IQCK: variants seen among roughly 807,000 people sequenced by gnomAD.
The protein encoded by IQCK is IQ motif containing K.
Under a neutral mutation model 28.1 loss-of-function variants are expected in IQCK, and 29 were observed. The observed-to-expected ratio is 1.03, with a 90% CI of 0.77 to 1.41. The LOEUF (loss-of-function observed/expected upper bound fraction) is 1.41. Ranked by LOEUF, IQCK falls within the 40% of genes most tolerant of loss-of-function variation. IQCK has a pLI of 0.00. For missense variants in IQCK, 359 were observed against 314.7 expected (o/e 1.14, Z -1.07); for synonymous variants, 113 against 115.1 (o/e 0.98, Z 0.12).
chr16:19,836,639 G>T (rs1265012850), intron 9 of IQCK, among the ~76,000 whole-genome samples: 1 of 152,018 alleles, frequency 6.6e-6, no homozygotes, highest in Admixed American at 6.6e-5. Flanking sequence ...TCAGCCTCCC[G>T]AGTAGCTGGG....
At chr16:19,721,218 A>AT (rs1821526384) in intron 1 of IQCK, among the ~76,000 whole-genome samples, 1 of 151,514 alleles carries the variant, frequency 6.6e-6, no homozygotes, top group Admixed American at 6.5e-5. Flanking sequence ...TAAGTACTAC[A>AT]TTCTCTTAAG....
At chr16:19,817,686 TA>T (rs2056007891) in intron 7 of IQCK, among the ~76,000 whole-genome samples, 1 of 152,180 alleles carries the variant, frequency 6.6e-6, no homozygotes, top group Non-Finnish European at 1.5e-5. Context: ...ATTAATTAAT[TA>T]TTTATAAGTT....
At chr16:19,843,409 T>A (rs2056382729) in intron 9 of IQCK, among the ~76,000 whole-genome samples, 1 of 152,208 alleles carries the variant, frequency 6.6e-6, no homozygotes, top group Non-Finnish European at 1.5e-5. Context: ...ACTAATCTAC[T>A]CTGTCTCTTT....
intron 4 of IQCK, among the ~76,000 whole-genome samples, chr16:19,759,868 A>T (rs1020256003): frequency 2.0e-5 from 3 of 152,130 alleles, no homozygotes; most frequent in Admixed American, 2.0e-4. Flanking sequence ...CTGTAGTCCC[A>T]ACTGCTCAAG....
At chr16:19,799,609 C>T (rs1189361232) in intron 7 of IQCK, among the ~76,000 whole-genome samples, 2 of 140,916 alleles carry the variant, frequency 1.4e-5, no homozygotes, top group African/African-American at 6.3e-5. Context: ...CACACACACA[C>T]ACACACACAC....
chr16:19,767,784 G>A (rs1337960942), intron 6 of IQCK, among the ~76,000 whole-genome samples: 2 of 151,862 alleles, frequency 1.3e-5, no homozygotes, highest in Non-Finnish European at 2.9e-5. Flanking sequence ...CCTCCTCTAC[G>A]GAGCACTTCC....
chr16:19,772,825 G>A (rs1462737319), intron 6 of IQCK, among the ~76,000 whole-genome samples: 1 of 152,036 alleles, frequency 6.6e-6, no homozygotes, highest in Non-Finnish European at 1.5e-5. Flanking sequence ...GAAACATAGT[G>A]AGACCCCATC....
At chr16:19,752,533 A>C (rs567360371) in intron 4 of IQCK, among the ~76,000 whole-genome samples, 2 of 152,158 alleles carry the variant, frequency 1.3e-5, no homozygotes, top group African/African-American at 4.8e-5. Flanking sequence ...AAACTGTCCT[A>C]AGTAGAAAGG....
At chr16:19,736,071 A>C in intron 4 of IQCK, 2 of 454,536 alleles carry the variant, frequency 4.4e-6, no homozygotes, top group Non-Finnish European at 8.8e-6. Flanking sequence ...ACTCAAAAAA[A>C]AAATCCCACA....
chr16:19,780,727 C>T (rs2055469614), intron 6 of IQCK, among the ~76,000 whole-genome samples: 1 of 152,320 alleles, frequency 6.6e-6, no homozygotes, highest in Non-Finnish European at 1.5e-5. Flanking sequence ...CAGATATTCT[C>T]CTGTCACATT....
intron 7 of IQCK, among the ~76,000 whole-genome samples, chr16:19,824,873 C>T (rs1469845159): frequency 6.6e-6 from 1 of 152,136 alleles, no homozygotes; most frequent in Non-Finnish European, 1.5e-5. Flanking sequence ...TTGCAGAGGC[C>T]AGTATCTCTC....
rs574573556 is a variant in IQCK at position 19,814,089 on chromosome 16, G to A, written c.691-12937G>A. ...AAAAAAATTAGTTGGGTGTGGTGGC[G>A]GGTAACTGTAATCCCGGCTACTCAG... On this transcript the variant is annotated intron_variant, in intron 7 of 7. Transcript: ENST00000564186. Among the ~76,000 whole-genome samples the A allele has an allele frequency of 1.8e-4, 28 of 152,060 alleles. No individual in the cohort carries two copies. In the East Asian group the frequency reaches 2.7e-3, roughly 15 times the overall value.
chr16:19,745,470 A>G (rs2054898087), intron 4 of IQCK, among the ~76,000 whole-genome samples: 2 of 152,172 alleles, frequency 1.3e-5, no homozygotes, highest in East Asian at 1.9e-4. Flanking sequence ...GTAACATCAC[A>G]TGGGCCAGTA....
intron 7 of IQCK, among the ~76,000 whole-genome samples, chr16:19,816,448 A>C (rs982044220): frequency 3.3e-5 from 5 of 151,962 alleles, no homozygotes; most frequent in Non-Finnish European, 7.4e-5. Context: ...CACCCAGATA[A>C]TTTTTGTATT....
At chr16:19,723,675 C>T (rs187701391) in intron 1 of IQCK, among the ~76,000 whole-genome samples, 78 of 152,232 alleles carry the variant, frequency 5.1e-4, no homozygotes, top group African/African-American at 1.8e-3. Flanking sequence ...GCTTCCTGGC[C>T]GGGCGTGGTA....
chr16:19,809,674 T>C (rs923815479), intron 7 of IQCK, among the ~76,000 whole-genome samples: 7 of 152,150 alleles, frequency 4.6e-5, no homozygotes, highest in Non-Finnish European at 1.0e-4. Context: ...CACGACAATG[T>C]TTTCAAGGGG....
At chr16:19,851,136 G>A (rs563426314) in intron 9 of IQCK, among the ~76,000 whole-genome samples, 3 of 152,270 alleles carry the variant, frequency 2.0e-5, no homozygotes, top group East Asian at 1.9e-4. Context: ...TTCTCTCAGC[G>A]CCCTTAGGAG....
At chr16:19,816,349 T>G (rs1240220899) in intron 7 of IQCK, among the ~76,000 whole-genome samples, 1 of 152,184 alleles carries the variant, frequency 6.6e-6, no homozygotes, top group Non-Finnish European at 1.5e-5. Flanking sequence ...TGGCGTGATC[T>G]CGGCTCACTG....
chr16:19,835,477 A>G (rs1322322114), intron 9 of IQCK, among the ~76,000 whole-genome samples: 2 of 152,080 alleles, frequency 1.3e-5, no homozygotes, highest in Non-Finnish European at 2.9e-5. Flanking sequence ...CTTTTGTAAA[A>G]CCAATTCCTA....
Sources: gnomAD v4.1 joint callset for allele counts (sites outside exome capture counted in the v4.1 genomes callset) on GRCh38, gnomAD v4.1.1 for gene constraint, MANE v1.5 for transcripts, NCBI Gene and HGNC (gene_info 2026-07-23, HGNC 2026-07-21) for gene names.